DCTN5: variants seen among roughly 807,000 people sequenced by gnomAD.
DCTN5 encodes the protein dynactin 4.
Under a neutral mutation model 23.5 loss-of-function variants are expected in DCTN5, and 14 were observed. The ratio of observed to expected loss-of-function variants is 0.60; its 90% confidence interval spans 0.39 to 0.93. The LOEUF (loss-of-function observed/expected upper bound fraction) is 0.93, where lower values mean the gene tolerates loss of function less well. Among genes scored for constraint, DCTN5 ranks in the 40% least tolerant of loss-of-function variants. The pLI is 0.00. For synonymous variants in DCTN5, 67 were observed against 79.6 expected, an observed-to-expected ratio of 0.84 and a Z score of 0.84; for missense variants, 156 against 225.9, an observed-to-expected ratio of 0.69 and a Z score of 1.98.
intron 2 of DCTN5, among the ~76,000 whole-genome samples, chr16:23,645,170 T>G (rs1464163983): frequency 8.2e-6 from 1 of 121,818 alleles, no homozygotes; most frequent in Non-Finnish European, 1.7e-5. Context: ...GTTTTGCTCT[T>G]GTTGCCCAGG....
Position 23,670,804 on chromosome 16 carries a change from G to C in DCTN5, c.*3660G>C, listed in dbSNP as rs1967993213. The C allele has an allele frequency of 6.6e-6, 1 of 152,220 alleles. No individual in the cohort carries two copies. The highest frequency in any genetic ancestry group is 2.4e-5 in the African/African-American group (1 of 41,434). The allele number at this position is 152,220 out of a possible 1,614,324, so 9.4% of individuals were successfully genotyped here. A position where few individuals can be genotyped will look rare whatever the true frequency, so the allele number is the denominator to read the frequency against. On this transcript the variant is annotated 3_prime_UTR_variant, in exon 6 of 6. Transcript: ENST00000300087. ...TCTAGAGCCCCCCAGCAATGGGCTT[G>C]TGCTTTTAGTAGAATATGTGCTTGC...
chr16:23,644,833 G>A (rs915734329), intron 2 of DCTN5, among the ~76,000 whole-genome samples: 13 of 151,266 alleles, frequency 8.6e-5, no homozygotes, highest in Admixed American at 2.0e-4. Context: ...CCAGGCTGGA[G>A]TGAAGCGGCG....
chr16:23,641,727 C>T, intron 1 of DCTN5, 137 bp downstream of exon 1: 2 of 878,060 alleles, frequency 2.3e-6, no homozygotes, highest in African/African-American at 1.7e-5. Flanking sequence ...AGCGATGCCC[C>T]GTGTACCGTC....
intron 2 of DCTN5, among the ~76,000 whole-genome samples, chr16:23,648,344 CTTTTTTT>C (rs960786045): frequency 9.5e-6 from 1 of 105,524 alleles, no homozygotes; most frequent in South Asian, 3.1e-4. Context: ...TTTCTTTTTT[CTTTTTTT>C]TTTTTTTTTT....
At position 23,670,630 on chromosome 16, in the gene DCTN5, G is replaced by C. The variant is rs965185198; in HGVS notation, c.*3486G>C. 6.6e-6 allele frequency: 1 copy of C among 152,160 alleles called. No homozygotes were observed. Among genetic ancestry groups the C allele is most frequent in the Non-Finnish European group, 1.5e-5 (1 of 68,042 alleles). 9.4% of individuals were successfully genotyped at this position (152,160 alleles called of 1,614,324 possible). ...AATCCAGCTGGCTGGTCTCCTGGGG[G>C]TTAGCTTCCATGGAGCTGCAAGTCC... On this transcript the variant is annotated 3_prime_UTR_variant, in exon 6 of 6. Coordinates refer to ENST00000300087, the MANE Select transcript of DCTN5 (RefSeq NM_032486.4).
rs8052299 is a variant in DCTN5 at position 23,670,642 on chromosome 16, G to A, written c.*3498G>A. 6.6e-6 allele frequency: 1 copy of A among 152,184 alleles called. No individual in the cohort carries two copies. The highest frequency in any genetic ancestry group is 1.5e-5 in the Non-Finnish European group (1 of 68,038). 9.4% of individuals were successfully genotyped at this position (152,184 alleles called of 1,614,324 possible). ...TGGTCTCCTGGGGGTTAGCTTCCATGGAGCTGCAAGTCCCCTGAAATGATA... is the reference window on the plus strand; with the variant it reads ...TGGTCTCCTGGGGGTTAGCTTCCATAGAGCTGCAAGTCCCCTGAAATGATA... On this transcript the variant is annotated 3_prime_UTR_variant, in exon 6 of 6. Transcript: ENST00000300087.
intron 2 of DCTN5, among the ~76,000 whole-genome samples, chr16:23,645,108 TATATATATATATATATATATA>T (rs1272544157): frequency 0.012 from 430 of 34,704 alleles, 26 homozygotes; most frequent in South Asian, 0.038. Flanking sequence ...TATATATATA[TATATATATATATATATATATA>T]TATATATATT....
At chr16:23,662,051 T>TA (rs113915766) in intron 4 of DCTN5, among the ~76,000 whole-genome samples, 8,270 of 137,816 alleles carry the variant, frequency 0.06, 453 homozygotes, top group African/African-American at 0.14. Flanking sequence ...CCCTTTCTCT[T>TA]AAAAAAAAAA....
chr16:23,668,481 G>C lies in DCTN5; in HGVS notation c.*1337G>C, dbSNP rs1394973949. 1 of 152,244 alleles carries C rather than the reference G, an allele frequency of 6.6e-6. No individual in the cohort carries two copies. The highest frequency in any genetic ancestry group is 1.5e-5 in the Non-Finnish European group (1 of 68,048). 9.4% of individuals were successfully genotyped at this position (152,244 alleles called of 1,614,324 possible). A position where few individuals can be genotyped will look rare whatever the true frequency, so the allele number is the denominator to read the frequency against. ...TCCCATAACAGTGCAGTGATAGTCA[G>C]CTGGTCCAGGCCAGGCAAGGGGCTG... On this transcript the variant is annotated 3_prime_UTR_variant, in exon 6 of 6. Transcript: ENST00000300087.
intron 2 of DCTN5, among the ~76,000 whole-genome samples, chr16:23,649,048 C>T (rs995782473): frequency 2.6e-5 from 4 of 151,820 alleles, no homozygotes; most frequent in Non-Finnish European, 5.9e-5. Context: ...TTAGTAGAGA[C>T]GAGGTTTCAC....
rs140441993 is a variant in DCTN5 at position 23,645,417 on chromosome 16, G to T, written c.117+2394G>T. ...TGGAATTACAGGCATGAGCCACTGC[G>T]CCCAGCCTTACCAATTTTTAAGTGT... On this transcript the variant is annotated intron_variant, in intron 2 of 5. Transcript: ENST00000300087. Among the ~76,000 whole-genome samples the T allele has an allele frequency of 5.9e-4, 90 of 151,818 alleles. No individual in the cohort carries two copies. In the East Asian group the frequency reaches 0.013, roughly 23 times the overall value.
At chr16:23,648,344 CTT>C (rs960786045) in intron 2 of DCTN5, among the ~76,000 whole-genome samples, 207 of 105,512 alleles carry the variant, frequency 2.0e-3, no homozygotes, top group African/African-American at 6.9e-3. Flanking sequence ...TTTCTTTTTT[CTT>C]TTTTTTTTTT....
chr16:23,652,396 C>G (rs907050541), intron 2 of DCTN5, among the ~76,000 whole-genome samples: 1 of 152,166 alleles, frequency 6.6e-6, no homozygotes, highest in Admixed American at 6.6e-5. Context: ...ATTGTAAATT[C>G]TCTTTGTCTT....
chr16:23,668,798 G>A lies in DCTN5; in HGVS notation c.*1654G>A, dbSNP rs1406996421. The A allele has an allele frequency of 6.6e-6, 1 of 152,180 alleles. No homozygotes were observed. Among genetic ancestry groups the A allele is most frequent in the East Asian group, 1.9e-4 (1 of 5,196 alleles). The allele number at this position is 152,180 out of a possible 1,614,324, so 9.4% of individuals were successfully genotyped here. On this transcript the variant is annotated 3_prime_UTR_variant, in exon 6 of 6. Coordinates refer to ENST00000300087, the MANE Select transcript of DCTN5 (RefSeq NM_032486.4). ...TGCATCCTCCTAGCTTGGGGGCTCT[G>A]AATGAAAGGTTTCTTCCCTTCCAGT...
intron 3 of DCTN5, among the ~76,000 whole-genome samples, chr16:23,659,928 T>C (rs149262831): frequency 6.6e-6 from 1 of 152,086 alleles, no homozygotes; most frequent in East Asian, 1.9e-4. Context: ...GCACCAAGAG[T>C]GAACAAGGGG....
At chr16:23,647,135 G>GT (rs34433726) in intron 2 of DCTN5, among the ~76,000 whole-genome samples, 10 of 128,868 alleles carry the variant, frequency 7.8e-5, no homozygotes, top group East Asian at 5.3e-4. Context: ...AAGTTTTCTG[G>GT]TTTTTTTTTT....
At chr16:23,642,859 GT>G in intron 1 of DCTN5, 95 bp from the exon 2 acceptor site, 1 of 1,113,742 alleles carries the variant, frequency 9.0e-7, no homozygotes, top group Non-Finnish European at 1.4e-6. Context: ...CCCACTTTAT[GT>G]TTTTTTCTCT....
intron 5 of DCTN5, chr16:23,666,658 T>TATATG: frequency 3.4e-6 from 1 of 292,466 alleles, no homozygotes. Context: ...GATTTGACAG[T>TATATG]ATATGATACC....
intron 2 of DCTN5, chr16:23,650,871 GC>G: frequency 7.0e-7 from 1 of 1,422,586 alleles, no homozygotes. Context: ...GAGTGGTGGG[GC>G]CTGGTGAATT....
Sources: allele counts gnomAD v4.1 joint callset (sites outside exome capture counted in the v4.1 genomes callset), GRCh38; gene constraint gnomAD v4.1.1; transcripts MANE v1.5; gene names NCBI Gene and HGNC (gene_info 2026-07-23, HGNC 2026-07-21).